THEMIS: variants seen among roughly 807,000 people sequenced by gnomAD.
The protein encoded by THEMIS is thymocyte selection associated, also known as protein THEMIS.
A neutral mutation model predicts 52.6 loss-of-function variants in THEMIS; 37 were observed. The observed-to-expected ratio is 0.70, with a 90% CI of 0.54 to 0.93. THEMIS has a LOEUF of 0.93. THEMIS is among the 40% of genes least tolerant of loss of function. THEMIS has a pLI of 0.00. For synonymous variants in THEMIS, 292 were observed against 272.7 expected (o/e 1.07, Z -0.70); for missense variants, 808 against 763.1 (o/e 1.06, Z -0.69).
At chr6:127,907,337 ATTTTTTTTTTTTTT>A (rs58472332) in intron 1 of THEMIS, among the ~76,000 whole-genome samples, 4 of 49,448 alleles carry the variant, frequency 8.1e-5, no homozygotes, top group African/African-American at 2.3e-4. Context: ...TTAGGCTCGG[ATTTTTTTTTTTTTT>A]TTTTTTTTTT....
chr6:127,902,801 T>C (rs952995553), upstream of THEMIS, among the ~76,000 whole-genome samples: 2 of 152,186 alleles, frequency 1.3e-5, no homozygotes, highest in East Asian at 3.9e-4. Context: ...TGTGGATGAA[T>C]ACATGAAAGA....
At chr6:127,804,352 CCT>C (rs751878404) in intron 4 of THEMIS, among the ~76,000 whole-genome samples, 8 of 152,106 alleles carry the variant, frequency 5.3e-5, no homozygotes, top group Non-Finnish European at 1.0e-4. Flanking sequence ...AATCTGGCAA[CCT>C]GAGTATCATT....
chr6:127,784,714 C>A (rs1776864253), intron 4 of THEMIS, among the ~76,000 whole-genome samples: 1 of 152,084 alleles, frequency 6.6e-6, no homozygotes, highest in Admixed American at 6.5e-5. Context: ...GAATGTACTA[C>A]CCAGATGAGG....
chr6:127,738,963 A>AAT (rs1225793937), intron 4 of THEMIS, among the ~76,000 whole-genome samples: 2 of 152,156 alleles, frequency 1.3e-5, no homozygotes, highest in Non-Finnish European at 2.9e-5. Flanking sequence ...CCTAATTAAA[A>AAT]ATATATATAT....
chr6:127,890,751 G>A (rs1780779697), intron 1 of THEMIS, among the ~76,000 whole-genome samples: 1 of 151,900 alleles, frequency 6.6e-6, no homozygotes, highest in Non-Finnish European at 1.5e-5. Flanking sequence ...TGTTACAATA[G>A]AATTAACAGC....
At chr6:127,894,695 T>G (rs1382852654) in intron 1 of THEMIS, among the ~76,000 whole-genome samples, 1 of 151,628 alleles carries the variant, frequency 6.6e-6, no homozygotes, top group East Asian at 1.9e-4. Context: ...AAAACCAAAT[T>G]CTAGCTTCTT....
chr6:127,874,802 T>C (rs1199356588), intron 1 of THEMIS, among the ~76,000 whole-genome samples: 1 of 152,230 alleles, frequency 6.6e-6, no homozygotes, highest in African/African-American at 2.4e-5. Flanking sequence ...TGTAACAATG[T>C]CAATATCCTG....
At chr6:127,917,418 A>G (rs917500030) in intron 1 of THEMIS, among the ~76,000 whole-genome samples, 2 of 152,236 alleles carry the variant, frequency 1.3e-5, no homozygotes, top group African/African-American at 4.8e-5. Context: ...TACAGAATTG[A>G]TAGGATGCTG....
chr6:127,757,199 A>G (rs1015619280), intron 4 of THEMIS, among the ~76,000 whole-genome samples: 1 of 152,190 alleles, frequency 6.6e-6, no homozygotes, highest in Non-Finnish European at 1.5e-5. Context: ...TAGTGGCCGT[A>G]TTAGTCACCA....
intron 1 of THEMIS, among the ~76,000 whole-genome samples, chr6:127,897,248 A>G (rs1046766154): frequency 5.9e-5 from 9 of 151,526 alleles, no homozygotes; most frequent in African/African-American, 1.9e-4. Flanking sequence ...AAAGAAAAAA[A>G]TTGTTGACAA....
rs754668171 is a variant in THEMIS at position 127,719,690 on chromosome 6, G to T, written c.1892C>A (p.Ala631Glu). The T allele has an allele frequency of 4.1e-5, 66 of 1,610,374 alleles. No homozygotes were observed. Among genetic ancestry groups the T allele is most frequent in the Non-Finnish European group, 5.3e-5 (62 of 1,178,182 alleles). ...ERSNRGATAI[A>E]ETFKNEKHQK ...CTGACCTATAGTCACATCAGTACCT[G>T]CTATTGCTGTGGCCCCACGGTTGCT... is the stretch of plus-strand genomic sequence containing the variant. The change falls in exon 5 of 6, where the codon GCA (alanine) becomes GAA (glutamate). Residue 631 changes from alanine (A) to glutamate (E), a missense_variant and splice_region_variant. Physicochemically the swap from Ala to Glu is moderately radical, Grantham distance 107. Coordinates refer to ENST00000368248, the MANE Select transcript of THEMIS (RefSeq NM_001010923.3).
intron 5 of THEMIS, among the ~76,000 whole-genome samples, chr6:127,717,637 G>C (rs1482658673): frequency 6.6e-6 from 1 of 151,748 alleles, no homozygotes; most frequent in Non-Finnish European, 1.5e-5. Flanking sequence ...TACACAATTC[G>C]TGTTCAGTCA....
At chr6:127,770,124 T>A (rs2114432836) in intron 4 of THEMIS, among the ~76,000 whole-genome samples, 1 of 152,360 alleles carries the variant, frequency 6.6e-6, no homozygotes, top group African/African-American at 2.4e-5. Flanking sequence ...TTATAATCCT[T>A]TGGGTATATA....
intron 1 of THEMIS, among the ~76,000 whole-genome samples, chr6:127,907,350 T>C (rs2114521350): frequency 1.5e-5 from 2 of 134,096 alleles, no homozygotes; most frequent in South Asian, 5.0e-4. Context: ...TTTTTTTTTT[T>C]TTTTTTTTTT....
chr6:127,856,599 G>A (rs1341899754), intron 1 of THEMIS, among the ~76,000 whole-genome samples: 5 of 151,950 alleles, frequency 3.3e-5, no homozygotes, highest in Non-Finnish European at 7.4e-5. Flanking sequence ...CCTTATCTGA[G>A]CAAGAAGCAT....
At position 127,805,322 on chromosome 6, in the gene THEMIS, A is replaced by C. The variant is rs112760982; in HGVS notation, c.1758+7561T>G. ...GTATCTTAATTAAGTATTGCTTAGA[A>C]AGTTTCTAAGACATCATGATTATAC... On this transcript the variant is annotated intron_variant, in intron 4 of 5. Transcript: ENST00000368248. 1.2e-3 allele frequency among the ~76,000 whole-genome samples: 188 copies of C among 152,214 alleles called. 1 individual carries two copies. The highest frequency in any genetic ancestry group is 4.2e-3 in the African/African-American group (176 of 41,572).
At chr6:127,886,556 C>T (rs944098489) in intron 1 of THEMIS, among the ~76,000 whole-genome samples, 1 of 152,058 alleles carries the variant, frequency 6.6e-6, no homozygotes, top group African/African-American at 2.4e-5. Context: ...GGGTCCTGGA[C>T]CACACTGTAT....
intron 4 of THEMIS, among the ~76,000 whole-genome samples, chr6:127,776,279 CTT>C (rs1776562218): frequency 6.6e-6 from 1 of 152,174 alleles, no homozygotes; most frequent in African/African-American, 2.4e-5. Context: ...TAACCCCTGA[CTT>C]TGATTGTAGG....
chr6:127,878,264 C>A (rs2114415009), intron 1 of THEMIS, among the ~76,000 whole-genome samples: 1 of 152,278 alleles, frequency 6.6e-6, no homozygotes, highest in Middle Eastern at 3.4e-3. Flanking sequence ...TCCAGCTCAG[C>A]AGCTGATTCA....
Sources: gnomAD v4.1 joint callset for allele counts (sites outside exome capture counted in the v4.1 genomes callset) on GRCh38, gnomAD v4.1.1 for gene constraint, MANE v1.5 for transcripts, NCBI Gene and HGNC (gene_info 2026-07-23, HGNC 2026-07-21) for gene names.